GCNT2: variants seen among roughly 807,000 people sequenced by gnomAD.
GCNT2 encodes the protein glucosaminyl (N-acetyl) transferase 2 (I blood group).
GCNT2 carries 34 observed loss-of-function variants against 34.2 expected under a neutral mutation model. The observed-to-expected ratio is 1.00, with a 90% CI of 0.76 to 1.32. The LOEUF is 1.32. Ranked by LOEUF, GCNT2 falls within the 40% of genes most tolerant of loss-of-function variation. The pLI, the probability that GCNT2 is intolerant of heterozygous loss-of-function variation, is 0.00. For synonymous variants in GCNT2, 212 were observed against 188.0 expected (o/e 1.13, Z -1.04); for missense variants, 584 against 489.4 (o/e 1.19, Z -1.82).
intron 3 of GCNT2, among the ~76,000 whole-genome samples, chr6:10,565,548 T>G (rs1203423326): frequency 6.6e-6 from 1 of 152,174 alleles, no homozygotes; most frequent in Non-Finnish European, 1.5e-5. Flanking sequence ...TGCACAAAGC[T>G]CTCTTCAGCA....
chr6:10,538,042 C>T (rs1761853922), intron 3 of GCNT2, among the ~76,000 whole-genome samples: 1 of 151,924 alleles, frequency 6.6e-6, no homozygotes, highest in Non-Finnish European at 1.5e-5. Context: ...TGGGAAAAGA[C>T]CAACATTCAA....
In GCNT2 at chr6:10,628,353, G is replaced by A. The variant is rs774740427; in HGVS notation, c.*1746G>A. 6.6e-6 allele frequency: 1 copy of A among 152,368 alleles called. No individual in the cohort carries two copies. The highest frequency in any genetic ancestry group is 2.4e-5 in the African/African-American group (1 of 41,388). The allele number at this position is 152,368 out of a possible 1,614,324, so 9.4% of individuals were successfully genotyped here. A position where few individuals can be genotyped will look rare whatever the true frequency, so the allele number is the denominator to read the frequency against. On this transcript the variant is annotated 3_prime_UTR_variant, in exon 5 of 5. Transcript: ENST00000495262. ...ACAATTTTATTTTTTTTCTGTAACT[G>A]TGCTTGTTGAATGTCAATCATATTT...
intron 3 of GCNT2, among the ~76,000 whole-genome samples, chr6:10,536,755 G>A (rs1488672581): frequency 2.0e-5 from 3 of 147,034 alleles, no homozygotes; most frequent in African/African-American, 7.6e-5. Context: ...CCAGGCTGGA[G>A]TACAGTGGCG....
At chr6:10,601,354 G>A (rs1254554774) in intron 3 of GCNT2, among the ~76,000 whole-genome samples, 1 of 152,072 alleles carries the variant, frequency 6.6e-6, no homozygotes, top group Admixed American at 6.5e-5. Context: ...GAAACACCGT[G>A]AACTTAATTG....
At position 10,588,828 on chromosome 6, in the gene GCNT2, T is replaced by C. The variant is rs1256881208; in HGVS notation, c.926-32523T>C. On this transcript the variant is annotated intron_variant, in intron 3 of 4. Coordinates refer to ENST00000495262, the MANE Select transcript of GCNT2 (RefSeq NM_145649.5). ...GTGTGTGGTGTATGTGTGTTTGCAG[T>C]GTATGTGTGTGGTGTGTGTGTGGTG... Among the ~76,000 whole-genome samples, 48 of 145,334 alleles carry C rather than the reference T, an allele frequency of 3.3e-4. No homozygotes were observed. In the Admixed American group the frequency reaches 3.3e-3, roughly 10 times the overall value.
intron 3 of GCNT2, among the ~76,000 whole-genome samples, chr6:10,541,560 C>A (rs1474934949): frequency 6.6e-6 from 1 of 152,078 alleles, no homozygotes; most frequent in Non-Finnish European, 1.5e-5. Flanking sequence ...CGTTTTAGTT[C>A]AGGTCTAGAA....
intron 3 of GCNT2, among the ~76,000 whole-genome samples, chr6:10,608,308 C>T (rs868709464): frequency 3.9e-5 from 6 of 152,056 alleles, no homozygotes; most frequent in Admixed American, 3.9e-4. Context: ...AACTCCCGAC[C>T]TCAGGTGATC....
At chr6:10,544,945 CAAAT>C (rs57813293) in intron 3 of GCNT2, among the ~76,000 whole-genome samples, 3,745 of 149,014 alleles carry the variant, frequency 0.025, 127 homozygotes, top group African/African-American at 0.077. Flanking sequence ...AACTCTGTCT[CAAAT>C]AAATAAATAA....
At chr6:10,556,252 A>G in intron 3 of GCNT2, 1 of 1,470,084 alleles carries the variant, frequency 6.8e-7, no homozygotes, top group South Asian at 1.4e-5. Flanking sequence ...CGGCACAGGG[A>G]CAGAGACAGC....
intron 3 of GCNT2, among the ~76,000 whole-genome samples, chr6:10,547,396 C>T (rs911228481): frequency 1.3e-5 from 2 of 152,214 alleles, no homozygotes; most frequent in East Asian, 3.8e-4. Context: ...CTTTGGCCAT[C>T]ATATCTCTTT....
At chr6:10,534,011 C>T (rs1470885787) in intron 3 of GCNT2, among the ~76,000 whole-genome samples, 1 of 151,568 alleles carries the variant, frequency 6.6e-6, no homozygotes, top group Non-Finnish European at 1.5e-5. Context: ...GCTGGTTTTG[C>T]TTTGCCTGCT....
chr6:10,556,468 T>G (rs370871813), intron 3 of GCNT2: 2 of 1,614,152 alleles, frequency 1.2e-6, no homozygotes, highest in South Asian at 1.1e-5. Flanking sequence ...CTGTCTCTAG[T>G]GTAATTATTT....
chr6:10,574,390 C>T (rs1249439230), intron 3 of GCNT2, among the ~76,000 whole-genome samples: 1 of 152,186 alleles, frequency 6.6e-6, no homozygotes, highest in African/African-American at 2.4e-5. Flanking sequence ...GAAAAGAAAA[C>T]TGAGGCTATG....
chr6:10,617,074 G>A (rs2127440986), intron 3 of GCNT2, among the ~76,000 whole-genome samples: 1 of 152,366 alleles, frequency 6.6e-6, no homozygotes, highest in South Asian at 2.1e-4. Flanking sequence ...CTTAGCCTTT[G>A]GGCGGTCGAT....
chr6:10,537,721 A>AC (rs1761835353), intron 3 of GCNT2, among the ~76,000 whole-genome samples: 1 of 146,020 alleles, frequency 6.8e-6, no homozygotes, highest in African/African-American at 2.6e-5. Flanking sequence ...AAAAAAAAAA[A>AC]AAAAACAAAA....
Position 10,561,468 on chromosome 6 carries a change from G to A in GCNT2, c.925+31632G>A, listed in dbSNP as rs78319579. ...TGAACCACTGTGCCTGGCTTTTGCA[G>A]CATTTTCATCTGCCTATCTTCCCCA... On this transcript the variant is annotated intron_variant, in intron 3 of 4. Coordinates refer to ENST00000495262, the MANE Select transcript of GCNT2 (RefSeq NM_145649.5). Among the ~76,000 whole-genome samples the A allele has an allele frequency of 9.8e-5, 15 of 152,334 alleles. No individual in the cohort carries two copies. The East Asian group carries it at 2.7e-3, about 27-fold the overall frequency.
chr6:10,542,193 C>T (rs988159993), intron 3 of GCNT2, among the ~76,000 whole-genome samples: 4 of 152,072 alleles, frequency 2.6e-5, no homozygotes, highest in African/African-American at 9.7e-5. Flanking sequence ...ATAGAATCTA[C>T]AACAGATCGA....
chr6:10,616,919 T>C (rs1422057791), intron 3 of GCNT2, among the ~76,000 whole-genome samples: 1 of 152,200 alleles, frequency 6.6e-6, no homozygotes, highest in Non-Finnish European at 1.5e-5. Context: ...GAGTGCTGAT[T>C]GGTGTATTTA....
At chr6:10,582,039 T>G in intron 3 of GCNT2, 1 of 181,330 alleles carries the variant, frequency 5.5e-6, no homozygotes, top group Non-Finnish European at 1.0e-5. Context: ...ATGTATTATA[T>G]GTATATATTT....
Sources: allele counts gnomAD v4.1 joint callset (sites outside exome capture counted in the v4.1 genomes callset), GRCh38; gene constraint gnomAD v4.1.1; transcripts MANE v1.5; gene names NCBI Gene and HGNC (gene_info 2026-07-23, HGNC 2026-07-21).